CUL1: variants seen among roughly 807,000 people sequenced by gnomAD.
The protein encoded by CUL1 is cullin-1.
A neutral mutation model predicts 118.0 loss-of-function variants in CUL1; 24 were observed. The ratio of observed to expected loss-of-function variants is 0.20; its 90% CI spans 0.15 to 0.29. The LOEUF is 0.29. CUL1 is among the 10% of genes least tolerant of loss of function. CUL1 has a pLI of 1.00. For missense variants in CUL1, 361 were observed against 933.8 expected (o/e 0.39, Z 7.99); for synonymous variants, 332 against 340.4 (o/e 0.98, Z 0.27).
intron 2 of CUL1, among the ~76,000 whole-genome samples, chr7:148,746,488 C>T (rs1238633136): frequency 1.3e-5 from 2 of 152,100 alleles, no homozygotes; most frequent in African/African-American, 2.4e-5. Context: ...AATGGATGGG[C>T]GCAGATTAGG....
intron 7 of CUL1, 61 bp from the exon 8 acceptor site, chr7:148,766,500 A>G: frequency 7.4e-7 from 1 of 1,356,040 alleles, no homozygotes; most frequent in Non-Finnish European, 9.9e-7. Flanking sequence ...TACATATTAA[A>G]GAATTGTAAC....
chr7:148,747,714 A>G (rs1162413131), intron 2 of CUL1, among the ~76,000 whole-genome samples: 1 of 152,244 alleles, frequency 6.6e-6, no homozygotes, highest in Non-Finnish European at 1.5e-5. Context: ...AGCAAAAACC[A>G]CTATGGAAAA....
At chr7:148,702,750 G>A (rs1797759525) in intron 1 of CUL1, among the ~76,000 whole-genome samples, 1 of 152,178 alleles carries the variant, frequency 6.6e-6, no homozygotes, top group Admixed American at 6.5e-5. Flanking sequence ...GTCTGGGTTA[G>A]GAGCCTTCTC....
chr7:148,763,933 G>C (rs1289574237), intron 7 of CUL1, among the ~76,000 whole-genome samples: 3 of 152,136 alleles, frequency 2.0e-5, no homozygotes, highest in Non-Finnish European at 4.4e-5. Context: ...TCTCTATTAG[G>C]AGTGTTTTAC....
chr7:148,796,957 A>G (rs373612171), intron 17 of CUL1, among the ~76,000 whole-genome samples: 118 of 152,296 alleles, frequency 7.7e-4, no homozygotes, highest in African/African-American at 2.7e-3. Flanking sequence ...CATTATGACG[A>G]CAGGACTCCA....
At chr7:148,759,224 A>G in intron 4 of CUL1, 80 bp from the exon 5 acceptor site, 2 of 1,329,764 alleles carry the variant, frequency 1.5e-6, no homozygotes, top group Admixed American at 3.7e-5. Context: ...AAGTAATTTG[A>G]GATTTAGGTT....
At chr7:148,761,164 G>A (rs186699703) in intron 7 of CUL1, among the ~76,000 whole-genome samples, 2 of 152,208 alleles carry the variant, frequency 1.3e-5, no homozygotes, top group African/African-American at 2.4e-5. Context: ...ACCATGGCCC[G>A]CTGATAATAA....
chr7:148,752,959 A>AT (rs1266457168), intron 2 of CUL1, among the ~76,000 whole-genome samples: 2 of 152,146 alleles, frequency 1.3e-5, no homozygotes, highest in Non-Finnish European at 2.9e-5. Context: ...GCCTGAATTC[A>AT]TTTTTTTGTG....
At chr7:148,772,414 CA>C (rs761910647) in intron 9 of CUL1, among the ~76,000 whole-genome samples, 1 of 50,014 alleles carries the variant, frequency 2.0e-5, no homozygotes, top group Non-Finnish European at 3.5e-5. Context: ...GACTCCGTCT[CA>C]AAAAAAAAAC....
chr7:148,741,238 CAT>C (rs1799129886), intron 2 of CUL1, among the ~76,000 whole-genome samples: 1 of 152,126 alleles, frequency 6.6e-6, no homozygotes, highest in Non-Finnish European at 1.5e-5. Context: ...TCTATGTAGA[CAT>C]ATGTTTTCAT....
At chr7:148,789,859 G>A in intron 15 of CUL1, 33 bp downstream of exon 15, 2 of 1,591,802 alleles carry the variant, frequency 1.3e-6, no homozygotes, top group Non-Finnish European at 8.6e-7. Context: ...TCCCATTAGT[G>A]CTAAGTGGAG....
chr7:148,720,482 C>G (rs1024971925), intron 1 of CUL1, among the ~76,000 whole-genome samples: 1 of 151,998 alleles, frequency 6.6e-6, no homozygotes, highest in Admixed American at 6.5e-5. Flanking sequence ...GGAGAGAGAC[C>G]AGTCCAGAGG....
chr7:148,699,897 C>CT, intron 1 of CUL1, among the ~76,000 whole-genome samples: 1 of 152,142 alleles, frequency 6.6e-6, no homozygotes, highest in Non-Finnish European at 1.5e-5. Flanking sequence ...GGTCCCCAGA[C>CT]TCGGGGGTCG....
At chr7:148,759,231 G>A (rs1799760148) in intron 4 of CUL1, 73 bp from the exon 5 acceptor site, 1 of 1,377,874 alleles carries the variant, frequency 7.3e-7, no homozygotes, top group South Asian at 1.2e-5. Context: ...TTGAGATTTA[G>A]GTTATTTCCT....
intron 7 of CUL1, 25 bp from the exon 8 acceptor site, chr7:148,766,536 A>T: frequency 6.3e-7 from 1 of 1,578,856 alleles, no homozygotes; most frequent in Non-Finnish European, 8.6e-7. Flanking sequence ...AATCAAAACC[A>T]TTCACTTGAA....
chr7:148,794,729 T>C (rs1204447874), intron 17 of CUL1, among the ~76,000 whole-genome samples: 1 of 152,222 alleles, frequency 6.6e-6, no homozygotes, highest in Non-Finnish European at 1.5e-5. Flanking sequence ...ATTTAGGTTG[T>C]CTTTTCTTTC....
intron 1 of CUL1, among the ~76,000 whole-genome samples, chr7:148,700,431 TGTATTACGTA>T (rs937814117): frequency 2.6e-5 from 4 of 152,176 alleles, no homozygotes; most frequent in African/African-American, 9.7e-5. Context: ...TCCTGGAGAG[TGTATTACGTA>T]GTAAAATATG....
At chr7:148,753,505 C>T (rs962695341) in intron 2 of CUL1, among the ~76,000 whole-genome samples, 1 of 152,192 alleles carries the variant, frequency 6.6e-6, no homozygotes, top group African/African-American at 2.4e-5. Flanking sequence ...AATATAAGGA[C>T]TTGGCTCTCT....
At chr7:148,744,977 T>C (rs1799263628) in intron 2 of CUL1, among the ~76,000 whole-genome samples, 1 of 152,212 alleles carries the variant, frequency 6.6e-6, no homozygotes, top group African/African-American at 2.4e-5. Flanking sequence ...TTACTGGTCA[T>C]GTGAACTCTT....
Sources: allele counts gnomAD v4.1 joint callset (sites outside exome capture counted in the v4.1 genomes callset), GRCh38; gene constraint gnomAD v4.1.1; transcripts MANE v1.5; gene names NCBI Gene and HGNC (gene_info 2026-07-23, HGNC 2026-07-21).